Variants in CDYL observed in about 807,000 individuals in gnomAD.
The protein encoded by CDYL is chromodomain Y-like protein.
A neutral mutation model predicts 47.3 loss-of-function variants in CDYL; 8 were observed. The observed-to-expected ratio is 0.17, with a 90% CI of 0.10 to 0.31. The LOEUF (loss-of-function observed/expected upper bound fraction) is 0.31, where lower values mean the gene tolerates loss of function less well. Ranked by LOEUF, CDYL falls within the 10% of genes least tolerant of loss-of-function variation. The probability of loss-of-function intolerance (pLI) is 1.00; values close to 1 mark genes in which losing one functional copy is unlikely to be tolerated. For missense variants in CDYL, 471 were observed against 701.4 expected, an observed-to-expected ratio of 0.67 and a Z score of 3.71; for synonymous variants, 266 against 265.0, an observed-to-expected ratio of 1.00 and a Z score of -0.04.
At chr6:4,706,878 A>T (rs921654345) in intron 1 of CDYL, among the ~76,000 whole-genome samples, 5 of 152,176 alleles carry the variant, frequency 3.3e-5, no homozygotes, top group Non-Finnish European at 7.3e-5. Flanking sequence ...ACTCTAATGT[A>T]AAGCATTCAG....
chr6:4,872,536 A>G (rs1761505925), intron 1 of CDYL, among the ~76,000 whole-genome samples: 1 of 151,996 alleles, frequency 6.6e-6, no homozygotes, highest in South Asian at 2.1e-4. Context: ...ATGTACCACC[A>G]TGCCTGGCTA....
intron 1 of CDYL, among the ~76,000 whole-genome samples, chr6:4,842,096 C>A (rs944073537): frequency 7.4e-6 from 1 of 134,348 alleles, no homozygotes; most frequent in Admixed American, 7.7e-5. Context: ...TTATTTATAT[C>A]ATATATTTAT....
intron 1 of CDYL, among the ~76,000 whole-genome samples, chr6:4,883,611 C>T (rs1375507349): frequency 6.6e-6 from 1 of 152,182 alleles, no homozygotes; most frequent in Non-Finnish European, 1.5e-5. Flanking sequence ...GGCAGTTCTT[C>T]CAAAAACAAG....
chr6:4,856,572 C>A (rs116130188), intron 1 of CDYL, among the ~76,000 whole-genome samples: 3 of 152,100 alleles, frequency 2.0e-5, no homozygotes, highest in Admixed American at 6.5e-5. Flanking sequence ...GACGCTGTTG[C>A]GACAGTCGGG....
chr6:4,710,830 T>C (rs1007835510), intron 1 of CDYL, among the ~76,000 whole-genome samples: 1 of 152,120 alleles, frequency 6.6e-6, no homozygotes, highest in African/African-American at 2.4e-5. Flanking sequence ...TAAATCCCTG[T>C]GGTTGAAATA....
chr6:4,923,549 T>G (rs1026015174), intron 2 of CDYL, among the ~76,000 whole-genome samples: 1 of 152,212 alleles, frequency 6.6e-6, no homozygotes, highest in Non-Finnish European at 1.5e-5. Context: ...AGATGCCTCT[T>G]TGACGTGCTG....
intron 1 of CDYL, among the ~76,000 whole-genome samples, chr6:4,848,427 T>G (rs899558546): frequency 5.3e-5 from 8 of 152,232 alleles, no homozygotes; most frequent in Non-Finnish European, 1.2e-4. Context: ...TTGGAAACAA[T>G]TGCTGGTACC....
intron 4 of CDYL, 133 bp from the exon 5 acceptor site, chr6:4,943,413 G>A: frequency 1.5e-6 from 1 of 655,202 alleles, no homozygotes; most frequent in Non-Finnish European, 2.6e-6. Context: ...TGCTGGGGAA[G>A]GCCTTAAACA....
intron 1 of CDYL, among the ~76,000 whole-genome samples, chr6:4,834,193 A>T (rs1193202825): frequency 1.3e-5 from 2 of 151,990 alleles, no homozygotes; most frequent in East Asian, 1.9e-4. Context: ...TTTTGGCATG[A>T]TTTTGCAGCG....
chr6:4,835,206 C>G (rs1442358308), intron 1 of CDYL, among the ~76,000 whole-genome samples: 1 of 152,080 alleles, frequency 6.6e-6, no homozygotes, highest in South Asian at 2.1e-4. Flanking sequence ...GTGGTTTTAT[C>G]TACTTTTGGA....
At chr6:4,774,090 C>T (rs1215633746), upstream of CDYL, among the ~76,000 whole-genome samples, 1 of 152,084 alleles carries the variant, frequency 6.6e-6, no homozygotes, top group Non-Finnish European at 1.5e-5. Flanking sequence ...ATGGTGGAGC[C>T]CCTTGTGAAT....
At chr6:4,943,375 C>T (rs536649989) in intron 4 of CDYL, among the ~76,000 whole-genome samples, 171 bp from the exon 5 acceptor site, 5 of 152,268 alleles carry the variant, frequency 3.3e-5, no homozygotes, top group South Asian at 2.1e-4. Flanking sequence ...CTTTACAACA[C>T]GTAGTAAATA....
intron 1 of CDYL, among the ~76,000 whole-genome samples, chr6:4,838,067 C>G (rs767865466): frequency 1.7e-4 from 26 of 152,114 alleles, no homozygotes; most frequent in Non-Finnish European, 2.8e-4. Context: ...TGTGAGCTAT[C>G]ACACCAGGCT....
At position 4,800,565 on chromosome 6, in the gene CDYL, T is replaced by C. The variant is rs75561544; in HGVS notation, c.24+23758T>C. 1.8e-3 allele frequency among the ~76,000 whole-genome samples: 276 copies of C among 152,354 alleles called. 1 individual carries two copies. Among genetic ancestry groups the C allele is most frequent in the African/African-American group, 6.5e-3 (270 of 41,590 alleles). Reference sequence around the variant, plus strand: ...CCTGTAGCTCTAAGTTGCCATCTAGTGTAGTTTCCATTTGGACTAGAGATC... The same window carrying C: ...CCTGTAGCTCTAAGTTGCCATCTAGCGTAGTTTCCATTTGGACTAGAGATC... On this transcript the variant is annotated intron_variant, in intron 1 of 6. Transcript: ENST00000397588.
At chr6:4,919,607 AG>A (rs1253038184) in intron 2 of CDYL, among the ~76,000 whole-genome samples, 1 of 152,212 alleles carries the variant, frequency 6.6e-6, no homozygotes, top group East Asian at 1.9e-4. Context: ...TCGAGTTTTC[AG>A]GTTAGAGTTA....
intron 1 of CDYL, among the ~76,000 whole-genome samples, chr6:4,790,425 A>G (rs1758887048): frequency 6.6e-6 from 1 of 152,230 alleles, no homozygotes; most frequent in Non-Finnish European, 1.5e-5. Flanking sequence ...GACACATACT[A>G]GTGACCTTAA....
chr6:4,743,171 G>A (rs921955747), intron 3 of CDYL, among the ~76,000 whole-genome samples: 4 of 152,196 alleles, frequency 2.6e-5, no homozygotes, highest in African/African-American at 7.2e-5. Flanking sequence ...ATGGGAACAC[G>A]CTTAATCTAA....
At chr6:4,790,034 C>CT in intron 1 of CDYL, among the ~76,000 whole-genome samples, 1 of 152,266 alleles carries the variant, frequency 6.6e-6, no homozygotes, top group East Asian at 1.9e-4. Context: ...GGACATCATC[C>CT]TGTCAGGGTT....
intron 2 of CDYL, chr6:4,733,081 T>G (rs1369342349): frequency 6.6e-6 from 1 of 152,258 alleles, no homozygotes; most frequent in Non-Finnish European, 1.5e-5. Flanking sequence ...CCCTCGCAGC[T>G]CTGGGTACAG....
Sources: allele counts gnomAD v4.1 joint callset (sites outside exome capture counted in the v4.1 genomes callset), GRCh38; gene constraint gnomAD v4.1.1; transcripts MANE v1.5; gene names NCBI Gene and HGNC (gene_info 2026-07-23, HGNC 2026-07-21).